FOXK2: variants seen among roughly 807,000 people sequenced by gnomAD.
The protein encoded by FOXK2 is forkhead box protein K2.
Under a neutral mutation model 53.3 loss-of-function variants are expected in FOXK2, and 24 were observed. That is an observed-to-expected ratio of 0.45 (90% CI 0.33 to 0.63). The LOEUF (loss-of-function observed/expected upper bound fraction) is 0.63, where lower values mean the gene tolerates loss of function less well. Ranked by LOEUF, FOXK2 falls within the 30% of genes least tolerant of loss-of-function variation. The pLI, the probability that FOXK2 is intolerant of heterozygous loss-of-function variation, is 0.03. For missense variants in FOXK2, 952 were observed against 910.5 expected, an observed-to-expected ratio of 1.05 and a Z score of -0.59; for synonymous variants, 505 against 407.1, an observed-to-expected ratio of 1.24 and a Z score of -2.89.
At chr17:82,570,038 C>T (rs998708451) in intron 3 of FOXK2, among the ~76,000 whole-genome samples, 14 of 149,626 alleles carry the variant, frequency 9.4e-5, no homozygotes, top group South Asian at 8.5e-4. Context: ...CTGGCTAACA[C>T]GGTGAAATCC....
At chr17:82,578,401 T>C (rs1043917263) in intron 4 of FOXK2, 2 of 152,182 alleles carry the variant, frequency 1.3e-5, no homozygotes, top group African/African-American at 4.8e-5. Context: ...CTTTTCTTCA[T>C]GTTTAGCGTT....
intron 5 of FOXK2, 108 bp downstream of exon 5, chr17:82,583,042 G>T (rs948867080): frequency 1.3e-6 from 1 of 785,162 alleles, no homozygotes; most frequent in Non-Finnish European, 1.9e-6. Context: ...AATGCATTAT[G>T]ATTAAATGTT....
chr17:82,594,980 C>T (rs2045294887), intron 8 of FOXK2, among the ~76,000 whole-genome samples: 1 of 152,148 alleles, frequency 6.6e-6, no homozygotes, highest in Non-Finnish European at 1.5e-5. Flanking sequence ...GTTGAGGCTG[C>T]AGTGAACCGT....
chr17:82,570,143 A>G (rs1039529036), intron 3 of FOXK2, among the ~76,000 whole-genome samples: 1 of 150,458 alleles, frequency 6.6e-6, no homozygotes, highest in Non-Finnish European at 1.5e-5. Flanking sequence ...AATGGCGTGA[A>G]CCCGGGAGGT....
chr17:82,592,597 G>C (rs753622870), intron 8 of FOXK2, among the ~76,000 whole-genome samples: 2 of 152,224 alleles, frequency 1.3e-5, no homozygotes, highest in Non-Finnish European at 2.9e-5. Flanking sequence ...CGCTTCTTTC[G>C]TTAACATTGT....
rs902994610 is a variant in FOXK2, at chr17:82,602,804, CGGCCGAG to C, written c.*1318_*1324del. ...AACCGCTGGCCCTTCCCGAGTGTGC[CGGCCGAG>C]GGCCGAGGGCCGTGCACATGGGGAG... On this transcript the variant is annotated 3_prime_UTR_variant, in exon 9 of 9. Transcript: ENST00000335255. 28 of 152,406 alleles carry C rather than the reference CGGCCGAG, an allele frequency of 1.8e-4. No homozygotes were observed. In the East Asian group the frequency reaches 2.1e-3, roughly 12 times the overall value. 9.4% of individuals were successfully genotyped at this position (152,406 alleles called of 1,614,324 possible).
chr17:82,571,131 T>C (rs2143036227), intron 3 of FOXK2, among the ~76,000 whole-genome samples: 1 of 152,304 alleles, frequency 6.6e-6, no homozygotes, highest in African/African-American at 2.4e-5. Context: ...CTGGGGTAGC[T>C]GACAGGATCT....
rs138235100 is a variant in FOXK2 at position 82,600,278 on chromosome 17, G to C, written c.1787-1025G>C. On this transcript the variant is annotated intron_variant, in intron 8 of 8. Transcript: ENST00000335255. ...GGGTGCCCCAGAGAAACAGAGCCAA[G>C]GCGGCGGCCTGGAGACAGATTCTGT... 5 of 152,436 alleles carry C rather than the reference G, an allele frequency of 3.3e-5. No homozygotes were observed. In the East Asian group the frequency reaches 9.6e-4, roughly 29 times the overall value. 9.4% of individuals were successfully genotyped at this position (152,436 alleles called of 1,614,324 possible). A position where few individuals can be genotyped will look rare whatever the true frequency, so the allele number is the denominator to read the frequency against.
intron 1 of FOXK2, 129 bp from the exon 2 acceptor site, chr17:82,563,225 C>T (rs1348570888): frequency 1.8e-5 from 15 of 831,540 alleles, no homozygotes; most frequent in African/African-American, 6.9e-5. Flanking sequence ...TATAATAACA[C>T]GGTGAGCTGA....
At chr17:82,526,188 T>C (rs888763864) in intron 1 of FOXK2, among the ~76,000 whole-genome samples, 13 of 152,142 alleles carry the variant, frequency 8.5e-5, no homozygotes, top group African/African-American at 3.1e-4. Context: ...AATAAATGAA[T>C]TGAGGGAACT....
intron 1 of FOXK2, among the ~76,000 whole-genome samples, chr17:82,527,726 T>C (rs1023862426): frequency 2.0e-5 from 3 of 152,256 alleles, no homozygotes; most frequent in Admixed American, 6.5e-5. Flanking sequence ...ATTGTTACTT[T>C]AAGTTAAAAA....
intron 1 of FOXK2, among the ~76,000 whole-genome samples, chr17:82,552,417 G>C (rs2044685569): frequency 6.6e-6 from 1 of 152,002 alleles, no homozygotes; most frequent in South Asian, 2.1e-4. Flanking sequence ...TATGGCAACT[G>C]TGTCCTAATG....
At chr17:82,536,707 A>C (rs1432024961) in intron 1 of FOXK2, among the ~76,000 whole-genome samples, 1 of 152,306 alleles carries the variant, frequency 6.6e-6, no homozygotes, top group East Asian at 1.9e-4. Flanking sequence ...GTCTTCGCAG[A>C]GGGGGCCTTT....
chr17:82,553,216 G>A (rs1422175921), intron 1 of FOXK2, among the ~76,000 whole-genome samples: 1 of 152,380 alleles, frequency 6.6e-6, no homozygotes, highest in Non-Finnish European at 1.5e-5. Flanking sequence ...GATTACAGGC[G>A]TGAGCCACCG....
At chr17:82,592,539 G>A (rs1170578192) in intron 8 of FOXK2, among the ~76,000 whole-genome samples, 1 of 152,196 alleles carries the variant, frequency 6.6e-6, no homozygotes, top group Admixed American at 6.5e-5. Flanking sequence ...GGAAGCCTGG[G>A]CTTTGCTGCT....
chr17:82,558,114 CTT>C (rs1475112260), intron 1 of FOXK2, among the ~76,000 whole-genome samples: 1 of 152,118 alleles, frequency 6.6e-6, no homozygotes, highest in East Asian at 1.9e-4. Flanking sequence ...GGGAGGATCA[CTT>C]GAGCCCAGGA....
At chr17:82,587,478 A>G (rs920312278) in intron 8 of FOXK2, 45 of 593,484 alleles carry the variant, frequency 7.6e-5, no homozygotes, top group Non-Finnish European at 1.2e-4. Flanking sequence ...GACCTGCCTG[A>G]AAAGAGATGA....
intron 1 of FOXK2, among the ~76,000 whole-genome samples, chr17:82,563,059 A>C (rs1286257153): frequency 6.6e-6 from 1 of 152,118 alleles, no homozygotes; most frequent in African/African-American, 2.4e-5. Flanking sequence ...GGCCTGCCTC[A>C]GCCTCCCAAA....
chr17:82,597,010 C>A (rs1225919410), intron 8 of FOXK2, among the ~76,000 whole-genome samples: 1 of 152,218 alleles, frequency 6.6e-6, no homozygotes, highest in East Asian at 1.9e-4. Context: ...ACGAGTTCAG[C>A]CGGTGAGGGG....
Sources: allele counts gnomAD v4.1 joint callset (sites outside exome capture counted in the v4.1 genomes callset), GRCh38; gene constraint gnomAD v4.1.1; transcripts MANE v1.5; gene names NCBI Gene and HGNC (gene_info 2026-07-23, HGNC 2026-07-21).